Variants in PHF11 observed in about 807,000 individuals in gnomAD.
The protein encoded by PHF11 is BRCA1 C-terminus-associated protein.
PHF11 carries 38 observed loss-of-function variants against 40.5 expected under a neutral mutation model. That is an observed-to-expected ratio of 0.94 (90% CI 0.72 to 1.23). PHF11 has a LOEUF of 1.23. Ranked by LOEUF, PHF11 falls within the 50% of genes most tolerant of loss-of-function variation. The pLI is 0.00. For synonymous variants in PHF11, 127 were observed against 138.2 expected (o/e 0.92, Z 0.57); for missense variants, 369 against 392.4 (o/e 0.94, Z 0.50).
chr13:49,507,264 A>G (rs1343654319), intron 2 of PHF11, among the ~76,000 whole-genome samples: 1 of 152,150 alleles, frequency 6.6e-6, no homozygotes, highest in East Asian at 1.9e-4. Flanking sequence ...ACAGACACTG[A>G]TAGACCTTCT....
intron 9 of PHF11, among the ~76,000 whole-genome samples, chr13:49,526,945 TCC>T (rs1959323391): frequency 1.3e-5 from 2 of 152,030 alleles, no homozygotes; most frequent in African/African-American, 4.8e-5. Context: ...TCCGCTTGCC[TCC>T]CTCTCGCTTG....
chr13:49,522,206 A>G (rs2139072479), intron 6 of PHF11, 99 bp downstream of exon 6: 2 of 629,900 alleles, frequency 3.2e-6, no homozygotes, highest in Non-Finnish European at 5.7e-6. Context: ...CAAATCGTCC[A>G]AACAGAGAGC....
chr13:49,528,510 G>A lies in PHF11; in HGVS notation c.842-1G>A. 1 of 1,584,352 alleles carries A rather than the reference G, an allele frequency of 6.3e-7. No individual in the cohort carries two copies. Among genetic ancestry groups the A allele is most frequent in the Non-Finnish European group, 8.6e-7 (1 of 1,163,374 alleles). On this transcript the variant is annotated splice_acceptor_variant, in intron 9 of 9. Coordinates refer to ENST00000378319, the MANE Select transcript of PHF11 (RefSeq NM_001040443.3). LOFTEE classifies it high-confidence loss of function. Reference sequence around the variant, plus strand: ...AATAATTTTATTTCTTCTTTTCATAGCAATAGAGAAAAAAATTCATGCATC... The same window carrying A: ...AATAATTTTATTTCTTCTTTTCATAACAATAGAGAAAAAAATTCATGCATC...
chr13:49,520,038 CTTCAT>C (rs769017586), intron 4 of PHF11, among the ~76,000 whole-genome samples: 12 of 151,846 alleles, frequency 7.9e-5, no homozygotes, highest in Non-Finnish European at 1.2e-4. Context: ...AAACGATTCA[CTTCAT>C]TTCTTTTGTT....
At position 49,501,008 on chromosome 13, in the gene PHF11, T is replaced by TTTG. The variant is rs1555275792; in HGVS notation, c.94+4915_94+4916insGTT. 7.3e-5 allele frequency among the ~76,000 whole-genome samples: 9 copies of TTTG among 122,740 alleles called. 1 individual carries two copies. The highest frequency in any genetic ancestry group is 3.5e-4 in the African/African-American group (9 of 25,846). 80.5% of individuals were successfully genotyped at this position (122,740 alleles called of 152,430 possible). A position where few individuals can be genotyped will look rare whatever the true frequency, so the allele number is the denominator to read the frequency against. ...GGGAGTCACCAACTTTTGTTTTTTT[T>TTTG]TTTTTTTGGTTTTTTTTTTTCTGAA... On this transcript the variant is annotated intron_variant, in intron 1 of 9. Transcript: ENST00000378319.
intron 4 of PHF11, among the ~76,000 whole-genome samples, chr13:49,519,847 G>C (rs1314428486): frequency 6.6e-6 from 1 of 152,140 alleles, no homozygotes; most frequent in African/African-American, 2.4e-5. Context: ...AACTTTGTTT[G>C]GGTGTTGCTG....
intron 2 of PHF11, among the ~76,000 whole-genome samples, chr13:49,510,012 CGT>C (rs148561369): frequency 0.012 from 1,738 of 150,320 alleles, 30 homozygotes; most frequent in African/African-American, 0.04. Context: ...GTACTAATAA[CGT>C]GTGTGTGTGT....
intron 8 of PHF11, 73 bp downstream of exon 8, chr13:49,524,289 A>AT: frequency 1.7e-6 from 2 of 1,196,782 alleles, no homozygotes; most frequent in Non-Finnish European, 2.4e-6. Context: ...AACAAACCCA[A>AT]GAAAAAAAAA....
At chr13:49,509,746 T>G (rs963791583) in intron 2 of PHF11, among the ~76,000 whole-genome samples, 2 of 152,194 alleles carry the variant, frequency 1.3e-5, no homozygotes, top group African/African-American at 2.4e-5. Context: ...CCTGCTGCCA[T>G]GTAAAACATG....
At chr13:49,498,367 A>G (rs943846004) in intron 1 of PHF11, among the ~76,000 whole-genome samples, 1 of 152,028 alleles carries the variant, frequency 6.6e-6, no homozygotes, top group Non-Finnish European at 1.5e-5. Flanking sequence ...TCTGACAGTA[A>G]CCTAGCACAT....
At chr13:49,521,478 C>T (rs990351218) in intron 5 of PHF11, 1 of 986,002 alleles carries the variant, frequency 1.0e-6, no homozygotes, top group Non-Finnish European at 1.2e-6. Flanking sequence ...CTTCGTTCTG[C>T]GTCATGCCAA....
At chr13:49,501,793 T>C (rs2407693) in intron 1 of PHF11, among the ~76,000 whole-genome samples, 110,616 of 151,892 alleles carry the variant, frequency 0.73, 41,202 homozygotes, top group African/African-American at 0.88. Context: ...CAGGTTCAAG[T>C]GATTCTCTTG....
chr13:49,501,117 G>A (rs907247671), intron 1 of PHF11, among the ~76,000 whole-genome samples: 7 of 148,838 alleles, frequency 4.7e-5, no homozygotes, highest in East Asian at 2.0e-4. Context: ...AGATTCAAGC[G>A]ATTCTCCTGC....
At chr13:49,519,916 T>G (rs1282030685) in intron 4 of PHF11, among the ~76,000 whole-genome samples, 2 of 152,114 alleles carry the variant, frequency 1.3e-5, no homozygotes, top group Non-Finnish European at 2.9e-5. Context: ...GGTATTCCCC[T>G]AGGCAAGGAG....
chr13:49,496,525 T>TCC, intron 1 of PHF11: 6 of 847,604 alleles, frequency 7.1e-6, no homozygotes, highest in Non-Finnish European at 7.1e-6. Flanking sequence ...GGGTCTCACG[T>TCC]TCACGGAGGA....
chr13:49,500,577 C>T (rs1322227642), intron 1 of PHF11, among the ~76,000 whole-genome samples: 1 of 152,176 alleles, frequency 6.6e-6, no homozygotes, highest in Non-Finnish European at 1.5e-5. Context: ...TTCCTCCAGT[C>T]TAGAAGATCA....
At chr13:49,498,107 G>GT in intron 1 of PHF11, among the ~76,000 whole-genome samples, 1 of 152,320 alleles carries the variant, frequency 6.6e-6, no homozygotes, top group South Asian at 2.1e-4. Context: ...CCACTGGCAT[G>GT]TAAATTCGTC....
intron 9 of PHF11, chr13:49,527,185 T>G (rs1404805024): frequency 6.6e-6 from 1 of 152,238 alleles, no homozygotes; most frequent in African/African-American, 2.4e-5. Flanking sequence ...CAACCATTTA[T>G]TGAGTGAGTC....
At position 49,528,894 on chromosome 13, in the gene PHF11, T is replaced by TAAG. The variant is rs1566200751; in HGVS notation, c.*230_*232dup. The TAAG allele has an allele frequency of 2.4e-6, 1 of 408,184 alleles. No individual in the cohort carries two copies. The highest frequency in any genetic ancestry group is 4.0e-5 in the Admixed American group (1 of 24,706). 25.3% of individuals were successfully genotyped at this position (408,184 alleles called of 1,614,324 possible). A position where few individuals can be genotyped will look rare whatever the true frequency, so the allele number is the denominator to read the frequency against. On this transcript the variant is annotated 3_prime_UTR_variant, in exon 10 of 10. Coordinates refer to ENST00000378319, the MANE Select transcript of PHF11 (RefSeq NM_001040443.3). ...GTATGCTCAGTAAATGTTTGTGGAA[T>TAAG]AAGTGCATAAAATGTTCTTAACCTT...
Sources: allele counts gnomAD v4.1 joint callset (sites outside exome capture counted in the v4.1 genomes callset), GRCh38; gene constraint gnomAD v4.1.1; transcripts MANE v1.5; gene names NCBI Gene and HGNC (gene_info 2026-07-23, HGNC 2026-07-21).